COL4A4: variants seen among roughly 807,000 people sequenced by gnomAD.
The protein encoded by COL4A4 is collagen alpha-4(IV) chain.
Under a neutral mutation model 192.9 loss-of-function variants are expected in COL4A4, and 105 were observed. The observed-to-expected ratio is 0.54, with a 90% CI of 0.46 to 0.64. The LOEUF (loss-of-function observed/expected upper bound fraction) is 0.64. Ranked by LOEUF, COL4A4 falls within the 30% of genes least tolerant of loss-of-function variation. The pLI is 0.00. For missense variants in COL4A4, 1,967 were observed against 2,169.3 expected (o/e 0.91, Z 1.85); for synonymous variants, 762 against 769.9 (o/e 0.99, Z 0.17).
chr2:226,980,939 G>A, the COL4A4 span, among the ~76,000 whole-genome samples: 147 of 152,210 alleles, frequency 9.7e-4, no homozygotes, highest in East Asian at 0.011. Context: ...ATATCTCTCC[G>A]TAGCAGAGAC....
chr2:227,034,560 T>C (rs996367363), intron 37 of COL4A4, among the ~76,000 whole-genome samples: 2 of 151,346 alleles, frequency 1.3e-5, no homozygotes, highest in African/African-American at 4.8e-5. Context: ...TTTTAATTAA[T>C]TAATTAATTA....
chr2:227,045,781 T>TACATATATATATATATAC lies in COL4A4; in HGVS notation c.3289+1676_3289+1693dup, dbSNP rs1305494252. Among the ~76,000 whole-genome samples, 4 of 78,686 alleles carry TACATATATATATATATAC rather than the reference T, an allele frequency of 5.1e-5. 1 individual carries two copies. The highest frequency in any genetic ancestry group is 1.4e-4 in the Admixed American group (1 of 7,232). 51.6% of individuals were successfully genotyped at this position (78,686 alleles called of 152,430 possible). On this transcript the variant is annotated intron_variant, in intron 35 of 47. Coordinates refer to ENST00000396625, the MANE Select transcript of COL4A4 (RefSeq NM_000092.5). ...AAGACTCCATCTCAAAAAAAAAAAA[T>TACATATATATATATATAC]ACATATATATATATATACACATATA...
At chr2:226,979,927 T>C in the COL4A4 span, among the ~76,000 whole-genome samples, 1 of 152,052 alleles carries the variant, frequency 6.6e-6, no homozygotes, top group Non-Finnish European at 1.5e-5. Flanking sequence ...ATGGACAAAT[T>C]TGGGAATGTT....
Position 227,152,505 on chromosome 2 carries a change from C to T in COL4A4, c.-101-4921G>A, listed in dbSNP as rs564396480. 3.3e-5 allele frequency among the ~76,000 whole-genome samples: 5 copies of T among 152,278 alleles called. No homozygotes were observed. The South Asian group carries it at 1.0e-3, about 32-fold the overall frequency. Reference sequence around the variant, plus strand: ...TTTTCACTGTTTCACCAGAAGCAGGCCTTAAAACAAGCCACAAAAGAGTTG... The same window carrying T: ...TTTTCACTGTTTCACCAGAAGCAGGTCTTAAAACAAGCCACAAAAGAGTTG... On this transcript the variant is annotated intron_variant, in intron 1 of 47. Transcript: ENST00000396625.
chr2:226,986,170 T>C, the COL4A4 span, among the ~76,000 whole-genome samples: 2 of 152,296 alleles, frequency 1.3e-5, no homozygotes, highest in East Asian at 3.9e-4. Flanking sequence ...CACTCAAGAC[T>C]GTCAAGGTCA....
At chr2:227,115,895 T>A (rs2061466496) in intron 7 of COL4A4, among the ~76,000 whole-genome samples, 1 of 152,212 alleles carries the variant, frequency 6.6e-6, no homozygotes, top group Non-Finnish European at 1.5e-5. Context: ...GTGTATTGAG[T>A]ACTTGCATAA....
Position 227,094,226 on chromosome 2 carries a change from C to G in COL4A4, c.1268G>C (p.Gly423Ala). 6.2e-7 allele frequency: 1 copy of G among 1,613,822 alleles called. No homozygotes were observed. The highest frequency in any genetic ancestry group is 8.5e-7 in the Non-Finnish European group (1 of 1,179,914). ...PGLPGLPGEAGIPGRPDSAPG... is the reference protein window; with the variant it reads ...PGLPGLPGEAAIPGRPDSAPG... ...AGCAGAATCAGGTCTCCCAGGAATA[C>G]CAGCTTCTCCTGGAAGCCCAGGAAG... The change falls in exon 20 of 48, where the codon GGT becomes GCT. Residue 423 changes from glycine to alanine, a missense_variant. Coordinates refer to ENST00000396625, the MANE Select transcript of COL4A4 (RefSeq NM_000092.5).
chr2:227,037,731 C>T (rs917936812), intron 37 of COL4A4, among the ~76,000 whole-genome samples: 3 of 152,282 alleles, frequency 2.0e-5, no homozygotes, highest in Middle Eastern at 3.4e-3. Flanking sequence ...TATTTCTCCA[C>T]ATCCTCTCCA....
chr2:226,977,466 G>C, the COL4A4 span, among the ~76,000 whole-genome samples: 4 of 152,180 alleles, frequency 2.6e-5, no homozygotes, highest in African/African-American at 4.8e-5. Flanking sequence ...CTTAGATGTC[G>C]GTATTTTGTG....
intron 1 of COL4A4, among the ~76,000 whole-genome samples, chr2:227,151,232 A>T (rs528724659): frequency 1.3e-4 from 20 of 152,330 alleles, no homozygotes; most frequent in Middle Eastern, 3.4e-3. Flanking sequence ...CTGCAACAAA[A>T]TACTTATGAT....
At chr2:227,002,544 T>C (rs147933675), downstream of COL4A4, among the ~76,000 whole-genome samples, 493 of 152,302 alleles carry the variant, frequency 3.2e-3, 3 homozygotes, top group African/African-American at 0.011. Flanking sequence ...TCACTGTGCA[T>C]AGAACAGTGT....
In COL4A4 at chr2:227,079,933, C is replaced by T. The variant is rs139567083; in HGVS notation, c.1803+510G>A. Among the ~76,000 whole-genome samples, 147 of 152,266 alleles carry T rather than the reference C, an allele frequency of 9.7e-4. 1 individual carries two copies. The highest frequency in any genetic ancestry group is 6.8e-3 in the Middle Eastern group (2 of 294). ...TTACCTACACATGGTATCCACCCAA[C>T]GCATGTCTGAAAAATGCAGCAACAT... On this transcript the variant is annotated intron_variant, in intron 24 of 47. Transcript: ENST00000396625.
intron 25 of COL4A4, among the ~76,000 whole-genome samples, chr2:227,069,351 G>C (rs1022508810): frequency 2.0e-5 from 3 of 152,052 alleles, no homozygotes; most frequent in African/African-American, 4.8e-5. Flanking sequence ...TTTCTTCACA[G>C]AATTGGAAAA....
chr2:227,008,617 CACA>C (rs1187740018), intron 46 of COL4A4, among the ~76,000 whole-genome samples: 3 of 152,198 alleles, frequency 2.0e-5, no homozygotes, highest in Non-Finnish European at 4.4e-5. Context: ...GAAAATACAG[CACA>C]ACAAGCCCTA....
At chr2:227,017,521 G>A (rs143117052) in intron 44 of COL4A4, among the ~76,000 whole-genome samples, 12 of 152,314 alleles carry the variant, frequency 7.9e-5, no homozygotes, top group African/African-American at 2.6e-4. Context: ...CATTAGGCAG[G>A]AACAGTTCAA....
intron 28 of COL4A4, among the ~76,000 whole-genome samples, chr2:227,057,848 A>G (rs779404015): frequency 1.5e-4 from 23 of 152,272 alleles, no homozygotes; most frequent in Non-Finnish European, 3.1e-4. Flanking sequence ...TATGCAAATA[A>G]GAAACCACTT....
At chr2:227,136,667 T>C (rs2062834315) in intron 4 of COL4A4, among the ~76,000 whole-genome samples, 1 of 152,182 alleles carries the variant, frequency 6.6e-6, no homozygotes, top group East Asian at 1.9e-4. Flanking sequence ...CCATGGCCGT[T>C]CCTCAGCACA....
chr2:227,145,056 G>T lies in COL4A4; in HGVS notation c.72-498C>A, dbSNP rs181048217. On this transcript the variant is annotated intron_variant, in intron 2 of 47. Transcript: ENST00000396625. ...AATAATATGGAATATTTAGGGAAAA[G>T]TTATGTAGTCCAGGGCCTTATAAGT... Among the ~76,000 whole-genome samples, 10 of 152,280 alleles carry T rather than the reference G, an allele frequency of 6.6e-5. No homozygotes were observed. The East Asian group carries it at 1.9e-3, about 29-fold the overall frequency.
At position 227,101,612 on chromosome 2, in the gene COL4A4, A is replaced by T. The variant is rs2060526949; in HGVS notation, c.976-55T>A. 5 of 1,515,890 alleles carry T rather than the reference A, an allele frequency of 3.3e-6. No homozygotes were observed. The South Asian group carries it at 5.8e-5, about 18-fold the overall frequency. The allele number at this position is 1,515,890 out of a possible 1,614,324, so 93.9% of individuals were successfully genotyped here. On this transcript the variant is annotated intron_variant, in intron 16 of 47. Transcript: ENST00000396625. ...AAAAAAAGTGACTGGGTGACAAATT[A>T]TCTCATTCTCATTTAATTTAAGCAA...
Sources: gnomAD v4.1 joint callset for allele counts (sites outside exome capture counted in the v4.1 genomes callset) on GRCh38, gnomAD v4.1.1 for gene constraint, MANE v1.5 for transcripts, NCBI Gene and HGNC (gene_info 2026-07-23, HGNC 2026-07-21) for gene names.